Variants in PIK3AP1 observed in about 807,000 individuals in gnomAD.
PIK3AP1 encodes phosphoinositide 3-kinase adapter protein 1.
PIK3AP1 carries 21 observed loss-of-function variants against 88.1 expected under a neutral mutation model. The observed-to-expected ratio is 0.24, with a 90% confidence interval of 0.17 to 0.34. The LOEUF (loss-of-function observed/expected upper bound fraction) is 0.34, where lower values mean the gene tolerates loss of function less well. PIK3AP1 is among the 10% of genes least tolerant of loss of function. The probability of loss-of-function intolerance (pLI) is 1.00; values close to 1 mark genes in which losing one functional copy is unlikely to be tolerated. For missense variants in PIK3AP1, 828 were observed against 1,035.7 expected, an observed-to-expected ratio of 0.80 and a Z score of 2.75; for synonymous variants, 398 against 400.0, an observed-to-expected ratio of 1.00 and a Z score of 0.06.
intron 8 of PIK3AP1, among the ~76,000 whole-genome samples, chr10:96,634,816 C>T (rs1315041511): frequency 6.6e-6 from 1 of 152,172 alleles, no homozygotes; most frequent in Non-Finnish European, 1.5e-5. Flanking sequence ...ATAGGTCTCA[C>T]TGGGTCAAAG....
At chr10:96,641,532 T>G (rs577055409) in intron 8 of PIK3AP1, among the ~76,000 whole-genome samples, 85 of 152,312 alleles carry the variant, frequency 5.6e-4, no homozygotes, top group African/African-American at 2.0e-3. Flanking sequence ...GGTGGGGCAC[T>G]GATAAACGTG....
intron 8 of PIK3AP1, among the ~76,000 whole-genome samples, chr10:96,640,182 A>C (rs1209611690): frequency 6.6e-6 from 1 of 152,246 alleles, no homozygotes; most frequent in Non-Finnish European, 1.5e-5. Flanking sequence ...GGTAACATGA[A>C]GCAGAACAGT....
intron 1 of PIK3AP1, among the ~76,000 whole-genome samples, chr10:96,712,547 CA>C (rs1844452379): frequency 6.6e-6 from 1 of 151,976 alleles, no homozygotes; most frequent in African/African-American, 2.4e-5. Context: ...AAAATCATTT[CA>C]AAACTATAGA....
intron 2 of PIK3AP1, chr10:96,700,922 C>T (rs1169741485): frequency 1.0e-6 from 1 of 963,334 alleles, no homozygotes; most frequent in Admixed American, 7.2e-5. Context: ...GGCTCTGAGC[C>T]CCTTGGGACT....
At chr10:96,657,355 T>C (rs1178207322) in intron 2 of PIK3AP1, among the ~76,000 whole-genome samples, 1 of 152,176 alleles carries the variant, frequency 6.6e-6, no homozygotes. Flanking sequence ...AAACCTGCAC[T>C]GTCCAGAAAG....
Position 96,628,887 on chromosome 10 carries a change from T to G in PIK3AP1, c.1376-394A>C, listed in dbSNP as rs61858221. 2.2e-4 allele frequency among the ~76,000 whole-genome samples: 9 copies of G among 40,958 alleles called. 1 individual carries two copies. Among genetic ancestry groups the G allele is most frequent in the African/African-American group, 7.6e-4 (8 of 10,590 alleles). The allele number at this position is 40,958 out of a possible 152,430, so 26.9% of individuals were successfully genotyped here. On this transcript the variant is annotated intron_variant, in intron 8 of 16. Coordinates refer to ENST00000339364, the MANE Select transcript of PIK3AP1 (RefSeq NM_152309.3). Reference sequence around the variant, plus strand: ...ACACATATATACACATATATATATATACATATATATATATATATATGTGTA... The same window carrying G: ...ACACATATATACACATATATATATAGACATATATATATATATATATGTGTA...
intron 8 of PIK3AP1, chr10:96,632,954 C>T: frequency 1.2e-6 from 2 of 1,612,870 alleles, no homozygotes; most frequent in Non-Finnish European, 1.7e-6. Flanking sequence ...GCTAGCAGGG[C>T]AGTGAAGAGA....
intron 16 of PIK3AP1, among the ~76,000 whole-genome samples, chr10:96,596,486 T>C (rs971807298): frequency 1.3e-5 from 2 of 152,152 alleles, no homozygotes; most frequent in Non-Finnish European, 2.9e-5. Flanking sequence ...ACCTACATAA[T>C]AATAAAACCT....
chr10:96,684,568 A>G (rs1844044600), intron 2 of PIK3AP1, among the ~76,000 whole-genome samples: 1 of 152,232 alleles, frequency 6.6e-6, no homozygotes, highest in African/African-American at 2.4e-5. Context: ...AGGCAGACCT[A>G]TGCCACTGAG....
chr10:96,629,930 A>AAG (rs1554955594), intron 8 of PIK3AP1, among the ~76,000 whole-genome samples: 2 of 13,724 alleles, frequency 1.5e-4, no homozygotes, highest in East Asian at 3.8e-3. Flanking sequence ...AAAAAAAAAA[A>AAG]AAGAAGAAGA....
intron 2 of PIK3AP1, among the ~76,000 whole-genome samples, chr10:96,707,123 C>A (rs560306172): frequency 1.3e-5 from 2 of 152,268 alleles, no homozygotes; most frequent in South Asian, 4.1e-4. Flanking sequence ...TTCATTCTTT[C>A]CGAGACACTT....
intron 2 of PIK3AP1, among the ~76,000 whole-genome samples, chr10:96,672,866 C>T (rs773609945): frequency 1.3e-5 from 2 of 152,218 alleles, no homozygotes; most frequent in Non-Finnish European, 2.9e-5. Flanking sequence ...GTTGTCTCAG[C>T]GCCCAGTGCC....
intron 7 of PIK3AP1, among the ~76,000 whole-genome samples, chr10:96,647,430 C>T (rs1236866904): frequency 6.6e-6 from 1 of 152,162 alleles, no homozygotes; most frequent in Non-Finnish European, 1.5e-5. Context: ...TCAATAAATA[C>T]TAGTTACTAC....
chr10:96,623,554 A>G lies in PIK3AP1; in HGVS notation c.1670-17T>C. 6.3e-7 allele frequency: 1 copy of G among 1,579,972 alleles called. No homozygotes were observed. The highest frequency in any genetic ancestry group is 8.7e-7 in the Non-Finnish European group (1 of 1,150,718). ...CTGCAAAAACTATGAGATAAAGAAT[A>G]TTCTGATTACTGAAAAAGTATCAAA... On this transcript the variant is annotated splice_polypyrimidine_tract_variant and intron_variant, in intron 10 of 16. Transcript: ENST00000339364.
intron 7 of PIK3AP1, 129 bp from the exon 8 acceptor site, chr10:96,645,791 G>A: frequency 1.4e-6 from 1 of 727,766 alleles, no homozygotes; most frequent in Non-Finnish European, 2.2e-6. Flanking sequence ...CTGGTTGTGT[G>A]TATTTGTATT....
intron 6 of PIK3AP1, among the ~76,000 whole-genome samples, chr10:96,649,955 G>A (rs1053628667): frequency 7.9e-5 from 12 of 152,130 alleles, no homozygotes; most frequent in Non-Finnish European, 1.5e-5. Context: ...TTTCATAAAC[G>A]TTTATTTTTA....
At chr10:96,603,038 C>T (rs11599054) in intron 15 of PIK3AP1, among the ~76,000 whole-genome samples, 22,845 of 152,124 alleles carry the variant, frequency 0.15, 1,816 homozygotes, top group African/African-American at 0.19. Flanking sequence ...ACCCAGAGCA[C>T]GGCCCCTAAC....
intron 8 of PIK3AP1, among the ~76,000 whole-genome samples, chr10:96,644,240 C>T (rs936412104): frequency 2.6e-5 from 4 of 152,110 alleles, no homozygotes; most frequent in African/African-American, 9.7e-5. Flanking sequence ...ACAGCCCTGC[C>T]CAATGAAGAG....
chr10:96,646,607 C>T (rs923464887), intron 7 of PIK3AP1, among the ~76,000 whole-genome samples: 3 of 152,090 alleles, frequency 2.0e-5, no homozygotes, highest in African/African-American at 7.2e-5. Flanking sequence ...GAGGTCACTC[C>T]GCAGCTTGGC....
Sources: gnomAD v4.1 joint callset for allele counts (sites outside exome capture counted in the v4.1 genomes callset) on GRCh38, gnomAD v4.1.1 for gene constraint, MANE v1.5 for transcripts, NCBI Gene and HGNC (gene_info 2026-07-23, HGNC 2026-07-21) for gene names.